KCNG3: variants seen among roughly 807,000 people sequenced by gnomAD.
The protein encoded by KCNG3 is voltage-gated potassium channel regulatory subunit KCNG3.
A neutral mutation model predicts 29.0 loss-of-function variants in KCNG3; 15 were observed. The ratio of observed to expected loss-of-function variants is 0.52; its 90% confidence interval spans 0.35 to 0.80. The LOEUF (loss-of-function observed/expected upper bound fraction) is 0.80. Among genes scored for constraint, KCNG3 ranks in the 30% least tolerant of loss-of-function variants. The pLI, the probability that KCNG3 is intolerant of heterozygous loss-of-function variation, is 0.01. For missense variants in KCNG3, 512 were observed against 605.7 expected, an observed-to-expected ratio of 0.85 and a Z score of 1.62; for synonymous variants, 322 against 248.9, an observed-to-expected ratio of 1.29 and a Z score of -2.76.
chr2:42,425,967 A>G, the KCNG3 span, among the ~76,000 whole-genome samples: 1 of 152,258 alleles, frequency 6.6e-6, no homozygotes, highest in East Asian at 1.9e-4. Flanking sequence ...TGTATTTAGT[A>G]TCAGCTGTAG....
At chr2:42,476,959 C>T (rs1673441185) in intron 1 of KCNG3, among the ~76,000 whole-genome samples, 3 of 146,414 alleles carry the variant, frequency 2.0e-5, no homozygotes, top group Admixed American at 6.8e-5. Flanking sequence ...GCTGAGACGG[C>T]GAGATCACGA....
chr2:42,448,179 A>G (rs924679936), intron 1 of KCNG3, among the ~76,000 whole-genome samples: 1 of 152,136 alleles, frequency 6.6e-6, no homozygotes, highest in Admixed American at 6.6e-5. Context: ...CAAAGGCTTT[A>G]ATCTGCTCAG....
At chr2:42,389,706 G>C in the KCNG3 span, among the ~76,000 whole-genome samples, 1 of 152,214 alleles carries the variant, frequency 6.6e-6, no homozygotes, top group South Asian at 2.1e-4. Context: ...AATTTAAATT[G>C]GTATGTCATA....
chr2:42,404,774 G>C, the KCNG3 span, among the ~76,000 whole-genome samples: 1 of 152,096 alleles, frequency 6.6e-6, no homozygotes, highest in Non-Finnish European at 1.5e-5. Flanking sequence ...GCCACTGGGG[G>C]AGTATACTCA....
the KCNG3 span, among the ~76,000 whole-genome samples, chr2:42,394,571 G>A: frequency 5.3e-5 from 8 of 152,242 alleles, no homozygotes; most frequent in East Asian, 3.9e-4. Context: ...AGTCAAGCTG[G>A]GAACTGCTCC....
chr2:42,456,464 C>A (rs1672875615), intron 1 of KCNG3, among the ~76,000 whole-genome samples: 1 of 152,048 alleles, frequency 6.6e-6, no homozygotes, highest in African/African-American at 2.4e-5. Flanking sequence ...CTGCAGTGGG[C>A]CATGATCGCA....
At chr2:42,394,615 G>C in the KCNG3 span, among the ~76,000 whole-genome samples, 3 of 152,210 alleles carry the variant, frequency 2.0e-5, no homozygotes, top group Non-Finnish European at 4.4e-5. Flanking sequence ...TGCTCACTGA[G>C]ATAAATGCAT....
chr2:42,486,407 T>A (rs1368058483), intron 1 of KCNG3, among the ~76,000 whole-genome samples: 1 of 152,172 alleles, frequency 6.6e-6, no homozygotes, highest in Non-Finnish European at 1.5e-5. Flanking sequence ...CTCCCTTCAT[T>A]CTCTACCCAG....
chr2:42,406,327 C>G, the KCNG3 span, among the ~76,000 whole-genome samples: 2 of 151,738 alleles, frequency 1.3e-5, no homozygotes, highest in African/African-American at 4.8e-5. Context: ...TCAAGCAATT[C>G]TCCTGTCTCA....
intron 1 of KCNG3, among the ~76,000 whole-genome samples, chr2:42,466,929 T>G (rs533597600): frequency 6.8e-4 from 104 of 152,020 alleles, no homozygotes; most frequent in Non-Finnish European, 1.3e-3. Context: ...ATTTTTGTAT[T>G]TTAAGTAGAG....
At chr2:42,420,650 G>A in the KCNG3 span, among the ~76,000 whole-genome samples, 11 of 152,120 alleles carry the variant, frequency 7.2e-5, no homozygotes, top group African/African-American at 2.4e-4. Context: ...TTAGCCGGAC[G>A]TGGTGGCACA....
chr2:42,406,158 A>G, the KCNG3 span, among the ~76,000 whole-genome samples: 5 of 152,088 alleles, frequency 3.3e-5, no homozygotes, highest in African/African-American at 1.2e-4. Flanking sequence ...AGTGTATTTT[A>G]CAGGGTTTCA....
chr2:42,429,565 T>C, the KCNG3 span, among the ~76,000 whole-genome samples: 70 of 152,306 alleles, frequency 4.6e-4, no homozygotes, highest in Non-Finnish European at 8.5e-4. Flanking sequence ...CAAAATGTCA[T>C]TAACATGGTG....
chr2:42,488,373 G>C (rs1362493563), intron 1 of KCNG3, among the ~76,000 whole-genome samples: 1 of 151,832 alleles, frequency 6.6e-6, no homozygotes, highest in Non-Finnish European at 1.5e-5. Context: ...ATTGTTCCTT[G>C]ATTTTTTTGT....
chr2:42,398,074 T>C, the KCNG3 span, among the ~76,000 whole-genome samples: 2 of 151,774 alleles, frequency 1.3e-5, no homozygotes, highest in Non-Finnish European at 2.9e-5. Context: ...ATACAAAAAA[T>C]TAGCCGGGCA....
At chr2:42,466,580 G>A (rs186446774) in intron 1 of KCNG3, among the ~76,000 whole-genome samples, 7 of 152,230 alleles carry the variant, frequency 4.6e-5, no homozygotes, top group Non-Finnish European at 1.0e-4. Context: ...ATCTAGGTTT[G>A]TGTGAGGACT....
At chr2:42,465,753 G>C (rs953473122) in intron 1 of KCNG3, among the ~76,000 whole-genome samples, 6 of 152,164 alleles carry the variant, frequency 3.9e-5, no homozygotes, top group African/African-American at 1.4e-4. Context: ...CTAGTATCCA[G>C]ATTGTACAAA....
At chr2:42,479,543 G>T (rs1331141168) in intron 1 of KCNG3, among the ~76,000 whole-genome samples, 1 of 151,892 alleles carries the variant, frequency 6.6e-6, no homozygotes, top group South Asian at 2.1e-4. Flanking sequence ...CCACTTGGGG[G>T]GCTGAGGCAG....
At chr2:42,418,818 A>AT in the KCNG3 span, among the ~76,000 whole-genome samples, 1 of 152,230 alleles carries the variant, frequency 6.6e-6, no homozygotes. Flanking sequence ...AAGAGTAGTT[A>AT]TTAAAAATTA....
Sources: gnomAD v4.1 joint callset for allele counts (sites outside exome capture counted in the v4.1 genomes callset) on GRCh38, gnomAD v4.1.1 for gene constraint, MANE v1.5 for transcripts, NCBI Gene and HGNC (gene_info 2026-07-23, HGNC 2026-07-21) for gene names.